Variants in DNAAF6 observed in about 807,000 individuals in gnomAD.
DNAAF6 encodes dynein axonemal assembly factor 6, also known as PIH1 domain containing 3.
In DNAAF6, 3 loss-of-function variants were observed where a neutral mutation model predicts 13.7. The observed-to-expected ratio is 0.22, with a 90% CI of 0.10 to 0.56. DNAAF6 has a LOEUF of 0.56. Ranked by LOEUF, DNAAF6 falls within the 20% of genes least tolerant of loss-of-function variation. The probability of loss-of-function intolerance (pLI) is 0.92; values close to 1 mark genes in which losing one functional copy is unlikely to be tolerated. For missense variants in DNAAF6, 130 were observed against 151.0 expected, an observed-to-expected ratio of 0.86 and a Z score of 0.73; for synonymous variants, 54 against 49.2, an observed-to-expected ratio of 1.10 and a Z score of -0.41.
chrX:107,227,809 A>G (rs1380624494), intron 5 of DNAAF6, among the ~76,000 whole-genome samples: 1 of 111,223 alleles, frequency 9.0e-6, no homozygotes, highest in Non-Finnish European at 1.9e-5. Flanking sequence ...GTAAAATTTT[A>G]AGCAATACCA....
rs930580716 is a variant in DNAAF6, at chrX:107,243,544, C to T, written c.*246C>T. On this transcript the variant is annotated 3_prime_UTR_variant, in exon 7 of 7. Coordinates refer to ENST00000372453, the MANE Select transcript of DNAAF6 (RefSeq NM_173494.2). The stretch of plus-strand genomic sequence containing the variant: ...CAACACTTTGGGAGGCCGAAGCAGG[C>T]GGATCACTTGAGGTCAGGAGTTTGA... The T allele has an allele frequency of 2.4e-5, 6 of 252,058 alleles. No homozygotes were observed. The highest frequency in any genetic ancestry group is 6.9e-5 in the Admixed American group (1 of 14,504). The allele number at this position is 252,058 out of a possible 1,213,427, so 20.8% of individuals were successfully genotyped here.
intron 3 of DNAAF6, among the ~76,000 whole-genome samples, 158 bp from the exon 4 acceptor site, chrX:107,218,706 G>A (rs967936707): frequency 9.0e-6 from 1 of 110,799 alleles, no homozygotes; most frequent in Admixed American, 9.7e-5. Flanking sequence ...CATTTAGTCA[G>A]TAGTTACTAA....
At chrX:107,231,704 G>A (rs955377736) in intron 5 of DNAAF6, among the ~76,000 whole-genome samples, 3 of 109,208 alleles carry the variant, frequency 2.7e-5, no homozygotes, top group African/African-American at 1.0e-4. Context: ...ATAAGCTGTA[G>A]GAAAATGAAA....
chrX:107,229,127 C>CTTTTGTTTTTTTT (rs1928322743), intron 5 of DNAAF6, among the ~76,000 whole-genome samples: 1 of 51,586 alleles, frequency 1.9e-5, no homozygotes, highest in Admixed American at 2.7e-4. Flanking sequence ...GTTGACTACT[C>CTTTTGTTTTTTTT]TTTTTTTTTT....
intron 3 of DNAAF6, 90 bp downstream of exon 3, chrX:107,216,833 T>C: frequency 1.7e-5 from 10 of 573,781 alleles, no homozygotes; most frequent in Non-Finnish European, 2.1e-5. Flanking sequence ...AATACTAGTA[T>C]TTATTAAGAT....
intron 4 of DNAAF6, among the ~76,000 whole-genome samples, chrX:107,221,718 G>C (rs1928146396): frequency 9.0e-6 from 1 of 110,862 alleles, no homozygotes; most frequent in Admixed American, 9.6e-5. Flanking sequence ...ATAAATAATT[G>C]GTAGATGTTA....
intron 2 of DNAAF6, among the ~76,000 whole-genome samples, chrX:107,213,570 C>G (rs1044067623): frequency 8.9e-6 from 1 of 111,865 alleles, no homozygotes; most frequent in Non-Finnish European, 1.9e-5. Context: ...AGTTGAGTAG[C>G]ATTTGGGGTC....
chrX:107,210,608 G>A (rs776865213), intron 1 of DNAAF6, among the ~76,000 whole-genome samples: 1 of 109,396 alleles, frequency 9.1e-6, no homozygotes, highest in Non-Finnish European at 1.9e-5. Flanking sequence ...TTGTAGAGTC[G>A]GGGTTTCGCT....
chrX:107,229,106 C>G (rs181079300), intron 5 of DNAAF6, among the ~76,000 whole-genome samples: 79 of 94,397 alleles, frequency 8.4e-4, no homozygotes, highest in African/African-American at 3.3e-3. Context: ...TACTCAGCAG[C>G]ATTCCACCCT....
intron 5 of DNAAF6, among the ~76,000 whole-genome samples, chrX:107,236,369 A>G (rs926182734): frequency 7.1e-5 from 8 of 112,032 alleles, no homozygotes; most frequent in Non-Finnish European, 1.5e-4. Context: ...TATATTTACT[A>G]ATGTTTAACA....
chrX:107,224,746 A>G (rs1324384612), intron 5 of DNAAF6, among the ~76,000 whole-genome samples: 1 of 110,202 alleles, frequency 9.1e-6, no homozygotes, highest in Non-Finnish European at 1.9e-5. Context: ...TTTGTTGTAC[A>G]TTTTAGAGTA....
At position 107,223,058 on chromosome X, in the gene DNAAF6, A is replaced by G. The variant is rs774587694; in HGVS notation, c.429+217A>G. On this transcript the variant is annotated intron_variant, in intron 5 of 6. Transcript: ENST00000372453. ...ACATTTGGATGAGATTTACAAATAAACATAATGGAATCATATGACACAATA... is the reference window on the plus strand; with the variant it reads ...ACATTTGGATGAGATTTACAAATAAGCATAATGGAATCATATGACACAATA... Among the ~76,000 whole-genome samples, 3 of 112,225 alleles carry G rather than the reference A, an allele frequency of 2.7e-5. No homozygotes were observed. The South Asian group carries it at 1.1e-3, about 42-fold the overall frequency.
At chrX:107,206,797 C>T (rs1274133451) in intron 1 of DNAAF6, 107 bp downstream of exon 1, 1 of 110,881 alleles carries the variant, frequency 9.0e-6, no homozygotes, top group Non-Finnish European at 1.9e-5. Flanking sequence ...GCGAGATACC[C>T]CAAAAAGCCA....
chrX:107,208,062 T>C (rs753198081), intron 1 of DNAAF6, among the ~76,000 whole-genome samples: 28 of 111,301 alleles, frequency 2.5e-4, no homozygotes, highest in Non-Finnish European at 4.0e-4. Flanking sequence ...AAATGTACTA[T>C]AGAGCATTCG....
intron 2 of DNAAF6, among the ~76,000 whole-genome samples, chrX:107,214,094 G>C (rs906876647): frequency 1.2e-4 from 13 of 111,606 alleles, no homozygotes; most frequent in African/African-American, 4.2e-4. Context: ...ATTTGTAGAA[G>C]AACTGAGTCA....
intron 5 of DNAAF6, among the ~76,000 whole-genome samples, chrX:107,233,792 G>A (rs148645356): frequency 1.1e-3 from 117 of 111,205 alleles, no homozygotes; most frequent in Middle Eastern, 9.3e-3. Flanking sequence ...ATTCAAAGAG[G>A]CTAAAGAGAT....
At chrX:107,228,840 C>G (rs1403182866) in intron 5 of DNAAF6, among the ~76,000 whole-genome samples, 1 of 110,482 alleles carries the variant, frequency 9.1e-6, no homozygotes, top group East Asian at 2.8e-4. Context: ...AAACTGGTCT[C>G]AAACTCCTGG....
intron 5 of DNAAF6, among the ~76,000 whole-genome samples, chrX:107,236,452 G>C (rs1248230791): frequency 9.0e-6 from 1 of 111,614 alleles, no homozygotes; most frequent in Non-Finnish European, 1.9e-5. Flanking sequence ...TTGTTTTAAA[G>C]TATTGCTGGA....
intron 1 of DNAAF6, among the ~76,000 whole-genome samples, chrX:107,212,551 T>A (rs781275565): frequency 8.9e-6 from 1 of 111,820 alleles, no homozygotes; most frequent in Admixed American, 9.5e-5. Flanking sequence ...GGCTTAAGAA[T>A]CTGCATTTTA....
Sources: gnomAD v4.1 joint callset for allele counts (sites outside exome capture counted in the v4.1 genomes callset) on GRCh38, gnomAD v4.1.1 for gene constraint, MANE v1.5 for transcripts, NCBI Gene and HGNC (gene_info 2026-07-23, HGNC 2026-07-21) for gene names.